The following MST1 variants were observed in gnomAD, a reference collection of about 807,000 sequenced individuals.
MST1 encodes macrophage stimulating 1, also known as hepatocyte growth factor-like protein.
MST1 carries 76 observed loss-of-function variants against 100.1 expected under a neutral mutation model. The observed-to-expected ratio is 0.76, with a 90% confidence interval of 0.63 to 0.92. The LOEUF is 0.92. Among genes scored for constraint, MST1 ranks in the 40% least tolerant of loss-of-function variants. The pLI, the probability that MST1 is intolerant of heterozygous loss-of-function variation, is 0.00. For missense variants in MST1, 850 were observed against 990.0 expected, an observed-to-expected ratio of 0.86 and a Z score of 1.90; for synonymous variants, 352 against 385.4, an observed-to-expected ratio of 0.91 and a Z score of 1.01.
In MST1 at chr3:49,686,469, T is replaced by C. The variant is rs1422492221; in HGVS notation, c.860A>G (p.Gln287Arg). 1 of 1,612,510 alleles carries C rather than the reference T, an allele frequency of 6.2e-7. No homozygotes were observed. The highest frequency in any genetic ancestry group is 1.7e-5 in the Admixed American group (1 of 60,016). Residue 287 changes from glutamine (Q) to arginine (R), a missense_variant, in exon 8 of 18, where the codon CAG becomes CGG. Transcript: ENST00000449682. The stretch of plus-strand genomic sequence containing the variant: ...GACAGTTGTGGCCTCTTGGCGGGGC[T>C]GTGCCTCGGACCCTTAGATGGACCG... ...CDLPRCGSEAQPRQEATTVSC... is the reference protein window; with the variant it reads ...CDLPRCGSEARPRQEATTVSC...
In MST1 at chr3:49,686,303, C is replaced by CCCCCCT; in HGVS notation, c.1016+9_1016+10insAGGGGG. 2 of 1,463,056 alleles carry CCCCCCT rather than the reference C, an allele frequency of 1.4e-6. No individual in the cohort carries two copies. Among genetic ancestry groups the CCCCCCT allele is most frequent in the Non-Finnish European group, 1.8e-6 (2 of 1,081,260 alleles). 90.6% of individuals were successfully genotyped at this position (1,463,056 alleles called of 1,614,324 possible). The stretch of plus-strand genomic sequence containing the variant: ...CACGTCCCAACGCCCGCCCCCCCCC[C>CCCCCCT]CCACCTCACTTGCACGCGTATTTTT... On this transcript the variant is annotated intron_variant, in intron 8 of 17. Coordinates refer to ENST00000449682, the MANE Select transcript of MST1 (RefSeq NM_020998.4).
chr3:49,684,920 T>C (rs1197774832), intron 14 of MST1, 36 bp from the exon 15 acceptor site: 1 of 1,613,584 alleles, frequency 6.2e-7, no homozygotes, highest in South Asian at 1.1e-5. Context: ...TTTGTGACTC[T>C]CAGTCCATTG....
intron 8 of MST1, 31 bp from the exon 9 acceptor site, chr3:49,686,223 G>A (rs776063231): frequency 2.1e-5 from 33 of 1,605,216 alleles, no homozygotes; most frequent in Non-Finnish European, 2.7e-5. Context: ...GCCCTAGCCC[G>A]CCAGCCTCCA....
rs2054046970 is a variant in MST1, at chr3:49,689,273, A to T, written c.-582T>A. 1 of 152,410 alleles carries T rather than the reference A, an allele frequency of 6.6e-6. No individual in the cohort carries two copies. Among genetic ancestry groups the T allele is most frequent in the African/African-American group, 2.4e-5 (1 of 41,474 alleles). The allele number at this position is 152,410 out of a possible 1,614,324, so 9.4% of individuals were successfully genotyped here. On this transcript the variant is annotated 5_prime_UTR_variant, in exon 1 of 18. Coordinates refer to ENST00000449682, the MANE Select transcript of MST1 (RefSeq NM_020998.4). ...CAGGAACGGCCTTTCAGACGTTTTA[A>T]GGACCGTCTGAGCGGGGCCTCTAAG... is the stretch of plus-strand genomic sequence containing the variant.
Position 49,686,934 on chromosome 3 carries a change from C to T in MST1, c.728+13G>A, listed in dbSNP as rs745546638. 2.5e-6 allele frequency: 4 copies of T among 1,611,474 alleles called. No homozygotes were observed. Among genetic ancestry groups the T allele is most frequent in the South Asian group, 2.2e-5 (2 of 91,036 alleles). On this transcript the variant is annotated intron_variant, in intron 6 of 17. Coordinates refer to ENST00000449682, the MANE Select transcript of MST1 (RefSeq NM_020998.4). Reference sequence around the variant, plus strand: ...AGCCCGGCCCCCAGGACGCCGATACCGCCTACGCGTACTTGCCCGGCTCGA... The same window carrying T: ...AGCCCGGCCCCCAGGACGCCGATACTGCCTACGCGTACTTGCCCGGCTCGA...
chr3:49,685,576 G>A lies in MST1; in HGVS notation c.1387+20C>T. The A allele has an allele frequency of 6.2e-7, 1 of 1,613,312 alleles. No individual in the cohort carries two copies. Among genetic ancestry groups the A allele is most frequent in the Non-Finnish European group, 8.5e-7 (1 of 1,179,836 alleles). On this transcript the variant is annotated intron_variant, in intron 11 of 17. Transcript: ENST00000449682. ...TGGGGGCTGAGGCAGGGTCATGGGGGAAGCGTCACTAGTGCTCACCGCAGC... is the reference window on the plus strand; with the variant it reads ...TGGGGGCTGAGGCAGGGTCATGGGGAAAGCGTCACTAGTGCTCACCGCAGC...
chr3:49,685,090 C>T lies in MST1; in HGVS notation c.1545-1G>A, dbSNP rs1490182886. 1.2e-6 allele frequency: 2 copies of T among 1,610,250 alleles called. No homozygotes were observed. The highest frequency in any genetic ancestry group is 1.3e-5 in the African/African-American group (1 of 74,820). On this transcript the variant is annotated splice_acceptor_variant, in intron 13 of 17. Coordinates refer to ENST00000449682, the MANE Select transcript of MST1 (RefSeq NM_020998.4). LOFTEE classifies it high-confidence loss of function. ...CCCCCCGCAGAAATGCTGGCCCTGCCTAGAGGAGTGGGGAATTAGGACAGG... is the reference window on the plus strand; with the variant it reads ...CCCCCCGCAGAAATGCTGGCCCTGCTTAGAGGAGTGGGGAATTAGGACAGG...
rs767755570 is a variant in MST1, at chr3:49,684,416, C to G, written c.1914G>C (p.Leu638=). ...TACACTCCTGGTTGGAGATGACATT[C>G]AGCAAGGCCACATTTAGGACTGTGT... is the stretch of plus-strand genomic sequence containing the variant. ...GNDTVLNVAL[L]NVISNQECNI... is the part of the protein sequence containing the mutation. The change falls in exon 17 of 18, where the codon CTG becomes CTC. Residue 638 remains leucine (L), a synonymous_variant. Transcript: ENST00000449682. 6.2e-7 allele frequency: 1 copy of G among 1,613,448 alleles called. No individual in the cohort carries two copies. The highest frequency in any genetic ancestry group is 8.5e-7 in the Non-Finnish European group (1 of 1,179,864).
In MST1 at chr3:49,685,709, T is replaced by G. The variant is rs1351343774; in HGVS notation, c.1274A>C (p.His425Pro). Residue 425 changes from histidine (H) to proline (P), a missense_variant, in exon 11 of 18, where the codon CAT becomes CCT. Transcript: ENST00000449682. ...GCAGAAGTTCTCCTCCAGTTGTGCA[T>G]GCGGTTCGGAGGTAAACGTGAACCT... ...KPQFTFTSEPHAQLEENFCRN... is the reference protein window; with the variant it reads ...KPQFTFTSEPPAQLEENFCRN... 1.2e-6 allele frequency: 2 copies of G among 1,613,062 alleles called. No homozygotes were observed. The highest frequency in any genetic ancestry group is 1.7e-6 in the Non-Finnish European group (2 of 1,179,788).
intron 13 of MST1, 54 bp downstream of exon 13, chr3:49,685,206 CCA>C: frequency 6.2e-7 from 1 of 1,609,472 alleles, no homozygotes; most frequent in Non-Finnish European, 8.5e-7. Flanking sequence ...AGTGGGATAA[CCA>C]CAGAGGACAC....
chr3:49,688,574 G>C, intron 1 of MST1, 24 bp downstream of exon 1: 6 of 1,611,070 alleles, frequency 3.7e-6, no homozygotes, highest in Non-Finnish European at 4.2e-6. Context: ...AAGGCAGATG[G>C]GGATCAGGGT....
chr3:49,687,196 T>A lies in MST1; in HGVS notation c.560A>T (p.Asp187Val), dbSNP rs1255429243. The change falls in exon 5 of 18, where the codon GAC becomes GTC. Residue 187 changes from aspartate (D) to valine (V), a missense_variant. Physicochemically the swap from Asp to Val is radical, Grantham distance 152. Transcript: ENST00000449682. The stretch of plus-strand genomic sequence containing the variant: ...GCAGCTCTGGAAGCGCACAGCAGGG[T>A]CTGTTGTGTAGCACCAAGGACCTCC... ...DPGGPWCYTT[D>V]PAVRFQSCGI... The A allele has an allele frequency of 6.2e-7, 1 of 1,613,332 alleles. No individual in the cohort carries two copies. Among genetic ancestry groups the A allele is most frequent in the Non-Finnish European group, 8.5e-7 (1 of 1,179,862 alleles).
At chr3:49,685,557 C>T in intron 11 of MST1, 39 bp downstream of exon 11, 3 of 1,613,268 alleles carry the variant, frequency 1.9e-6, no homozygotes, top group Non-Finnish European at 2.5e-6. Flanking sequence ...TGGGTGGGGG[C>T]TGAGGCAGGG....
chr3:49,684,630 G>C lies in MST1; in HGVS notation c.1796C>G (p.Ala599Gly). 1 of 1,613,742 alleles carries C rather than the reference G, an allele frequency of 6.2e-7. No homozygotes were observed. The highest frequency in any genetic ancestry group is 8.5e-7 in the Non-Finnish European group (1 of 1,179,864). ...ERSVTLNQRV[A>G]LICLPPEWYV... ...CCATTCAGGGGGCAGGCAGATCAGGGCCACACGCTGGTTCAGGGTCACAGA... is the reference window on the plus strand; with the variant it reads ...CCATTCAGGGGGCAGGCAGATCAGGCCCACACGCTGGTTCAGGGTCACAGA... Residue 599 changes from alanine (A) to glycine (G), a missense_variant, in exon 16 of 18, where the codon GCC becomes GGC. Physicochemically the swap from Ala to Gly is moderately conservative, Grantham distance 60. Transcript: ENST00000449682.
In MST1 at chr3:49,687,397, T is replaced by C. The variant is rs763441967; in HGVS notation, c.437A>G (p.Gln146Arg). The part of the protein sequence containing the change: ...MATTVGGLPC[Q>R]AWSHKFPNDH... The stretch of plus-strand genomic sequence containing the variant: ...ATTTGGGAACTTGTGGCTCCAAGCC[T>C]GGCAGGGCAGGCCACCCACGGTCGT... The change falls in exon 4 of 18, where the codon CAG becomes CGG. Residue 146 changes from glutamine to arginine, a missense_variant. Physicochemically the swap from Gln to Arg is conservative, Grantham distance 43. Around this residue, in one of 2 missense-constraint regions of MST1, gnomAD observed 816 missense variants for 924.6 expected, o/e 0.88. Transcript: ENST00000449682. The C allele has an allele frequency of 1.5e-5, 24 of 1,613,368 alleles. No homozygotes were observed. Among genetic ancestry groups the C allele is most frequent in the Non-Finnish European group, 1.9e-5 (23 of 1,179,870 alleles).
At chr3:49,685,417 T>C (rs760197746) in intron 12 of MST1, 35 bp from the exon 13 acceptor site, 4 of 1,613,686 alleles carry the variant, frequency 2.5e-6, no homozygotes, top group East Asian at 2.2e-5. Flanking sequence ...AAACCCAGAC[T>C]GTGTGGATGT....
rs1439390517 is a variant in MST1, at chr3:49,686,952, C to T, written c.723G>A (p.Pro241=). Residue 241 remains proline, a synonymous_variant, in exon 6 of 18, where the codon CCG becomes CCA. Coordinates refer to ENST00000449682, the MANE Select transcript of MST1 (RefSeq NM_020998.4). ...LQHPHQHPFE[P]GKFLDQGLDD... Reference sequence around the variant, plus strand: ...CCGATACCGCCTACGCGTACTTGCCCGGCTCGAAGGGGTGCTGGTGCGGGT... The same window carrying T: ...CCGATACCGCCTACGCGTACTTGCCTGGCTCGAAGGGGTGCTGGTGCGGGT... 3.7e-6 allele frequency: 6 copies of T among 1,611,278 alleles called. No individual in the cohort carries two copies. In the African/African-American group the frequency reaches 5.3e-5, roughly 14 times the overall value.
In MST1 at chr3:49,686,428, T is replaced by C; in HGVS notation, c.901A>G (p.Lys301Glu). 1 of 1,612,432 alleles carries C rather than the reference T, an allele frequency of 6.2e-7. No individual in the cohort carries two copies. Among genetic ancestry groups the C allele is most frequent in the Non-Finnish European group, 8.5e-7 (1 of 1,179,792 alleles). The change falls in exon 8 of 18, where the codon AAG becomes GAG. Residue 301 changes from lysine (K) to glutamate (E), a missense_variant. Physicochemically the swap from Lys to Glu is moderately conservative, Grantham distance 56. Coordinates refer to ENST00000449682, the MANE Select transcript of MST1 (RefSeq NM_020998.4). ...EATTVSCFRG[K>E]GEGYRGTANT... ...GCTGTGCCCCGGTAGCCCTCACCCT[T>C]CCCGCGGAAGCAGCTGACAGTTGTG...
At position 49,684,871 on chromosome 3, in the gene MST1, T is replaced by C; in HGVS notation, c.1636A>G (p.Thr546Ala). The C allele has an allele frequency of 6.2e-7, 1 of 1,613,600 alleles. No homozygotes were observed. Among genetic ancestry groups the C allele is most frequent in the Non-Finnish European group, 8.5e-7 (1 of 1,179,782 alleles). Residue 546 changes from threonine to alanine, a missense_variant, in exon 15 of 18, where the codon ACG (threonine) becomes GCG (alanine). Coordinates refer to ENST00000449682, the MANE Select transcript of MST1 (RefSeq NM_020998.4). ...QCFSSCHMPL[T>A]GYEVWLGTLF... Reference sequence around the variant, plus strand: ...GTGCCCAACCATACCTCATAGCCCGTGAGAGGCATATGGCTGGGAGAGAAG... The same window carrying C: ...GTGCCCAACCATACCTCATAGCCCGCGAGAGGCATATGGCTGGGAGAGAAG...
Sources: allele counts gnomAD v4.1 joint callset, GRCh38; gene constraint gnomAD v4.1.1; regional missense constraint gnomAD v4.1.1; transcripts MANE v1.5; gene names NCBI Gene and HGNC (gene_info 2026-07-23, HGNC 2026-07-21).